Variants in RUSC2 observed in about 807,000 individuals in gnomAD.
RUSC2 encodes the protein RUN and SH3 domain containing 2, also known as AP-4 complex accessory subunit RUSC2.
A neutral mutation model predicts 122.2 loss-of-function variants in RUSC2; 34 were observed. The observed-to-expected ratio is 0.28, with a 90% CI of 0.21 to 0.37. RUSC2 has a LOEUF of 0.37. RUSC2 is among the 10% of genes least tolerant of loss of function. The pLI is 1.00. For missense variants in RUSC2, 1,747 were observed against 1,952.4 expected (o/e 0.89, Z 1.98); for synonymous variants, 784 against 790.0 (o/e 0.99, Z 0.13).
At position 35,524,620 on chromosome 9, in the gene RUSC2, T is replaced by A. The variant is rs1309235705; in HGVS notation, c.-92-21810T>A. Reference sequence around the variant, plus strand: ...TCTGCATTATGTGTTTCTCCCAGACTCCTATTTTATGTTTTTGTTGTACTC... The same window carrying A: ...TCTGCATTATGTGTTTCTCCCAGACACCTATTTTATGTTTTTGTTGTACTC... On this transcript the variant is annotated intron_variant, in intron 1 of 11. Transcript: ENST00000361226. 3.3e-5 allele frequency among the ~76,000 whole-genome samples: 5 copies of A among 152,162 alleles called. No homozygotes were observed. The East Asian group carries it at 7.7e-4, about 23-fold the overall frequency.
At chr9:35,516,299 C>T (rs1358813288) in intron 1 of RUSC2, among the ~76,000 whole-genome samples, 2 of 152,016 alleles carry the variant, frequency 1.3e-5, no homozygotes, top group Non-Finnish European at 2.9e-5. Flanking sequence ...CACCCCTACC[C>T]CCATGCCTCT....
At chr9:35,513,796 G>A (rs1821051881) in intron 1 of RUSC2, among the ~76,000 whole-genome samples, 2 of 149,796 alleles carry the variant, frequency 1.3e-5, no homozygotes, top group Admixed American at 6.7e-5. Context: ...AGGATCACTT[G>A]AGCCCAGGAG....
At chr9:35,522,848 G>A (rs1821242598) in intron 1 of RUSC2, among the ~76,000 whole-genome samples, 1 of 152,224 alleles carries the variant, frequency 6.6e-6, no homozygotes, top group Non-Finnish European at 1.5e-5. Flanking sequence ...GGTTGTCGCT[G>A]TTGGAGAGGA....
chr9:35,548,580 G>T lies in RUSC2; in HGVS notation c.2014+45G>T. 6.5e-7 allele frequency: 1 copy of T among 1,532,840 alleles called. No homozygotes were observed. Among genetic ancestry groups the T allele is most frequent in the South Asian group, 1.3e-5 (1 of 79,010 alleles). The allele number at this position is 1,532,840 out of a possible 1,614,324, so 95.0% of individuals were successfully genotyped here. A position where few individuals can be genotyped will look rare whatever the true frequency, so the allele number is the denominator to read the frequency against. ...GCAAATATGTGGCTATTCACCAGCAGGATATGCATGGCCACCTCCCTGACA... is the reference window on the plus strand; with the variant it reads ...GCAAATATGTGGCTATTCACCAGCATGATATGCATGGCCACCTCCCTGACA... On this transcript the variant is annotated intron_variant, in intron 2 of 11. Coordinates refer to ENST00000361226, the MANE Select transcript of RUSC2 (RefSeq NM_014806.5). The surrounding 1 kb of genome is among the most constrained non-coding windows in gnomAD (Gnocchi z 4.5).
Position 35,561,468 on chromosome 9 carries a change from T to A in RUSC2, c.*86T>A. ...GCCCTTCCCAAGCCATTGGCTTGGC[T>A]GCAGAGTAGACTGAGAGCTGGGGCC... is the stretch of plus-strand genomic sequence containing the variant. On this transcript the variant is annotated 3_prime_UTR_variant, in exon 12 of 12. Coordinates refer to ENST00000361226, the MANE Select transcript of RUSC2 (RefSeq NM_014806.5). 1 of 1,165,492 alleles carries A rather than the reference T, an allele frequency of 8.6e-7. No homozygotes were observed. Among genetic ancestry groups the A allele is most frequent in the Non-Finnish European group, 1.2e-6 (1 of 815,608 alleles). 72.2% of individuals were successfully genotyped at this position (1,165,492 alleles called of 1,614,324 possible).
At chr9:35,513,577 G>GAA (rs79138342) in intron 1 of RUSC2, among the ~76,000 whole-genome samples, 1 of 149,010 alleles carries the variant, frequency 6.7e-6, no homozygotes, top group African/African-American at 2.5e-5. Flanking sequence ...TTATTTAAAA[G>GAA]AAAAAAAAAC....
intron 1 of RUSC2, among the ~76,000 whole-genome samples, chr9:35,543,377 G>A (rs973309247): frequency 2.6e-5 from 4 of 152,018 alleles, no homozygotes; most frequent in African/African-American, 7.3e-5. Flanking sequence ...AGCCATGATC[G>A]CACCACTGCA....
intron 5 of RUSC2, among the ~76,000 whole-genome samples, chr9:35,556,719 C>T (rs560730270): frequency 3.3e-5 from 5 of 152,294 alleles, no homozygotes; most frequent in South Asian, 4.1e-4. Context: ...CCCAGCTACT[C>T]GGGAGGCTGA....
intron 1 of RUSC2, among the ~76,000 whole-genome samples, chr9:35,512,370 C>T (rs894259413): frequency 1.3e-5 from 2 of 152,160 alleles, no homozygotes; most frequent in East Asian, 1.9e-4. Flanking sequence ...TTTAAAACAA[C>T]ATTTAGCTTT....
chr9:35,514,939 C>G (rs1403498929), intron 1 of RUSC2, among the ~76,000 whole-genome samples: 1 of 152,110 alleles, frequency 6.6e-6, no homozygotes, highest in Non-Finnish European at 1.5e-5. Flanking sequence ...AACAATTCCA[C>G]CATAACTCGG....
chr9:35,492,396 G>A (rs896684129), intron 1 of RUSC2, among the ~76,000 whole-genome samples: 12 of 151,788 alleles, frequency 7.9e-5, no homozygotes, highest in Non-Finnish European at 1.6e-4. Context: ...TGAAGAGATG[G>A]TTCACTTCAT....
Position 35,548,172 on chromosome 9 carries a change from C to T in RUSC2, c.1651C>T (p.Arg551Trp), listed in dbSNP as rs766067787. ...VTSFAELAKG[R>W]KKTGGSGSPP... ...CTCCTTTGCCGAGCTGGCCAAGGGC[C>T]GGAAGAAAACTGGAGGCTCTGGCTC... The change falls in exon 2 of 12, where the codon CGG (arginine) becomes TGG (tryptophan). Residue 551 changes from arginine (R) to tryptophan (W), a missense_variant. By Grantham distance (101) the Arg-to-Trp change is moderately radical. Transcript: ENST00000361226. This position sits in a 1 kb window ranked among gnomAD's most constrained non-coding sequence, Gnocchi z 4.5. The T allele has an allele frequency of 1.3e-5, 21 of 1,613,182 alleles. No individual in the cohort carries two copies. Among genetic ancestry groups the T allele is most frequent in the Middle Eastern group, 1.6e-4 (1 of 6,084 alleles).
chr9:35,503,888 AC>A (rs1820864467), intron 1 of RUSC2, among the ~76,000 whole-genome samples: 1 of 151,616 alleles, frequency 6.6e-6, no homozygotes, highest in Non-Finnish European at 1.5e-5. Flanking sequence ...AATTCTCCTG[AC>A]TCAGCCACCT....
chr9:35,558,085 G>T lies in RUSC2; in HGVS notation c.3060+95G>T, dbSNP rs1182529368. The T allele has an allele frequency of 1.9e-6, 3 of 1,584,240 alleles. No individual in the cohort carries two copies. Among genetic ancestry groups the T allele is most frequent in the Non-Finnish European group, 2.6e-6 (3 of 1,155,148 alleles). On this transcript the variant is annotated intron_variant, in intron 6 of 11. Coordinates refer to ENST00000361226, the MANE Select transcript of RUSC2 (RefSeq NM_014806.5). The surrounding 1 kb of genome is among the most constrained non-coding windows in gnomAD (Gnocchi z 4.3). ...CTTGCTGTCTTGCATTTAGAGCCCA[G>T]GGTTGGGTACTTAGGAATGGGGACG...
In RUSC2 at chr9:35,505,300, A is replaced by G. The variant is rs185507606; in HGVS notation, c.-93+15128A>G. Among the ~76,000 whole-genome samples the G allele has an allele frequency of 2.6e-5, 4 of 152,204 alleles. No homozygotes were observed. The East Asian group carries it at 7.7e-4, about 29-fold the overall frequency. ...TGGGAGTCTATGTCTTGAGTCTGGG[A>G]CTGTGGAGCTCAGATCTTTCTGAGG... is the stretch of plus-strand genomic sequence containing the variant. On this transcript the variant is annotated intron_variant, in intron 1 of 11. Coordinates refer to ENST00000361226, the MANE Select transcript of RUSC2 (RefSeq NM_014806.5).
Position 35,546,982 on chromosome 9 carries a change from G to C in RUSC2, c.461G>C (p.Arg154Thr). Residue 154 changes from arginine to threonine, a missense_variant, in exon 2 of 12, where the codon AGA becomes ACA. By Grantham distance (71) the Arg-to-Thr change is moderately conservative. Transcript: ENST00000361226. The surrounding 1 kb of genome is among the most constrained non-coding windows in gnomAD (Gnocchi z 4.3). ...TTCCAGCTGCCACCATCTGGCCCCA[G>C]AGTGGGCAGGCCATGGGGGACAACA... ...SSFQLPPSGP[R>T]VGRPWGTTRS... 2 of 1,592,604 alleles carry C rather than the reference G, an allele frequency of 1.3e-6. No homozygotes were observed. Among genetic ancestry groups the C allele is most frequent in the Non-Finnish European group, 8.6e-7 (1 of 1,167,880 alleles).
intron 1 of RUSC2, among the ~76,000 whole-genome samples, chr9:35,516,243 C>G (rs1257247442): frequency 6.6e-6 from 1 of 151,992 alleles, no homozygotes; most frequent in Non-Finnish European, 1.5e-5. Context: ...GAACCTGTAA[C>G]TATTTGTGAT....
intron 1 of RUSC2, among the ~76,000 whole-genome samples, chr9:35,503,206 T>C (rs1820849517): frequency 6.6e-6 from 1 of 152,050 alleles, no homozygotes; most frequent in Non-Finnish European, 1.5e-5. Context: ...GGTGCACCCA[T>C]CACCTGAGCA....
intron 1 of RUSC2, among the ~76,000 whole-genome samples, chr9:35,526,439 T>C (rs1821326669): frequency 6.6e-6 from 1 of 152,184 alleles, no homozygotes; most frequent in East Asian, 1.9e-4. Flanking sequence ...TACTGGGTAT[T>C]TACTGTATGT....
Sources: allele counts gnomAD v4.1 joint callset (sites outside exome capture counted in the v4.1 genomes callset), GRCh38; gene constraint gnomAD v4.1.1; non-coding constraint Gnocchi (gnomAD v3.1); transcripts MANE v1.5; gene names NCBI Gene and HGNC (gene_info 2026-07-23, HGNC 2026-07-21).